CSPP1: variants seen among roughly 807,000 people sequenced by gnomAD.
CSPP1 encodes centrosome and spindle pole associated protein 1.
Under a neutral mutation model 164.4 loss-of-function variants are expected in CSPP1, and 126 were observed. That is an observed-to-expected ratio of 0.77 (90% CI 0.66 to 0.89). CSPP1 has a LOEUF of 0.89. CSPP1 is among the 40% of genes least tolerant of loss of function. The probability of loss-of-function intolerance (pLI) is 0.00; values close to 1 mark genes in which losing one functional copy is unlikely to be tolerated. For missense variants in CSPP1, 1,395 were observed against 1,449.8 expected, an observed-to-expected ratio of 0.96 and a Z score of 0.61; for synonymous variants, 472 against 476.7, an observed-to-expected ratio of 0.99 and a Z score of 0.13.
chr8:67,184,874 C>T (rs1306961882), intron 28 of CSPP1, among the ~76,000 whole-genome samples: 6 of 143,070 alleles, frequency 4.2e-5, no homozygotes, highest in Admixed American at 1.5e-4. Flanking sequence ...CCGAGGAGGG[C>T]GGATCACAAG....
chr8:67,077,398 C>T (rs764357390), intron 3 of CSPP1, among the ~76,000 whole-genome samples: 3 of 152,046 alleles, frequency 2.0e-5, no homozygotes, highest in East Asian at 1.9e-4. Context: ...TGCAGTGGCA[C>T]GATCTCGGCT....
intron 24 of CSPP1, among the ~76,000 whole-genome samples, chr8:67,172,154 ATTTTTTT>A (rs540548645): frequency 3.4e-4 from 43 of 124,876 alleles, no homozygotes; most frequent in African/African-American, 7.1e-4. Context: ...TGGCCTCATA[ATTTTTTT>A]TTTTTTTTTT....
At chr8:67,184,176 G>C (rs1420136741) in intron 28 of CSPP1, among the ~76,000 whole-genome samples, 1 of 152,088 alleles carries the variant, frequency 6.6e-6, no homozygotes, top group Admixed American at 6.5e-5. Flanking sequence ...TTTTTAAGGT[G>C]CTTAAATTTA....
Position 67,179,785 on chromosome 8 carries a change from G to T in CSPP1, c.3157-78G>T, listed in dbSNP as rs565107875. The T allele has an allele frequency of 4.7e-5, 44 of 927,006 alleles. No homozygotes were observed. In the African/African-American group the frequency reaches 6.9e-4, roughly 14 times the overall value. 57.4% of individuals were successfully genotyped at this position (927,006 alleles called of 1,614,324 possible). A position where few individuals can be genotyped will look rare whatever the true frequency, so the allele number is the denominator to read the frequency against. On this transcript the variant is annotated intron_variant, in intron 27 of 30. Transcript: ENST00000678616. ...TTTAGGGAGAACAGTGTGGAAACTT[G>T]TGCCTCTTCTTAGTATAAATTTGTT...
chr8:67,074,295 A>T lies in CSPP1; in HGVS notation c.43A>T (p.Arg15Ter), dbSNP rs755119129. ...LDEFIEEQKARLAEDKAELES... is the reference protein window; with the variant it reads ...LDEFIEEQKA ...TGAATTTATTGAAGAGCAAAAAGCC[A>T]GATTGGCCGAAGACAAAGCAGAGTT... The change falls in exon 2 of 31, where the codon AGA becomes TGA. Residue 15 changes from arginine to a stop codon, truncating the protein, a stop_gained. Transcript: ENST00000678616. LOFTEE classifies it high-confidence loss of function. 1.2e-5 allele frequency: 19 copies of T among 1,611,706 alleles called. No individual in the cohort carries two copies. The East Asian group carries it at 4.2e-4, about 36-fold the overall frequency.
chr8:67,127,513 G>C (rs1028504205), intron 15 of CSPP1, among the ~76,000 whole-genome samples: 5 of 152,100 alleles, frequency 3.3e-5, no homozygotes, highest in African/African-American at 1.2e-4. Context: ...ATAGTCCCCA[G>C]CTCCAAATAC....
In CSPP1 at chr8:67,086,090, T is replaced by A; in HGVS notation, c.283T>A (p.Tyr95Asn). ...ATTAAAAGAAGAATTGCGGCAAGAT[T>A]ACAGACGTTATCTTACTCAGGTAAT... is the stretch of plus-strand genomic sequence containing the variant. ...HKLKEELRQDYRRYLTQKNFL... is the reference protein window; with the variant it reads ...HKLKEELRQDNRRYLTQKNFL... The change falls in exon 4 of 31, where the codon TAC becomes AAC. Residue 95 changes from tyrosine (Y) to asparagine (N), a missense_variant. Transcript: ENST00000678616. 1 of 1,425,986 alleles carries A rather than the reference T, an allele frequency of 7.0e-7. No homozygotes were observed. Among genetic ancestry groups the A allele is most frequent in the Non-Finnish European group, 9.9e-7 (1 of 1,008,508 alleles). 88.3% of individuals were successfully genotyped at this position (1,425,986 alleles called of 1,614,324 possible).
intron 28 of CSPP1, among the ~76,000 whole-genome samples, chr8:67,187,527 T>A (rs1835007306): frequency 6.6e-6 from 1 of 151,530 alleles, no homozygotes; most frequent in South Asian, 2.1e-4. Context: ...ACAAAAAAAA[T>A]ATTTTAAATT....
intron 24 of CSPP1, among the ~76,000 whole-genome samples, chr8:67,168,504 T>G (rs1364085689): frequency 6.6e-6 from 1 of 152,210 alleles, no homozygotes; most frequent in Non-Finnish European, 1.5e-5. Flanking sequence ...GAGAATCTAG[T>G]GAAGAATAAA....
At chr8:67,066,690 A>G (rs535041140) in intron 1 of CSPP1, among the ~76,000 whole-genome samples, 47 of 152,140 alleles carry the variant, frequency 3.1e-4, no homozygotes, top group Non-Finnish European at 5.3e-4. Flanking sequence ...AGCAGGGGGC[A>G]TTATCTTGTC....
chr8:67,074,245 T>A lies in CSPP1; in HGVS notation c.-8T>A, dbSNP rs773774399. 1.3e-6 allele frequency: 2 copies of A among 1,597,848 alleles called. No homozygotes were observed. Among genetic ancestry groups the A allele is most frequent in the Non-Finnish European group, 1.7e-6 (2 of 1,170,122 alleles). On this transcript the variant is annotated splice_region_variant and 5_prime_UTR_variant, in exon 2 of 31. Coordinates refer to ENST00000678616, the MANE Select transcript of CSPP1 (RefSeq NM_001382391.1). ...CTCACTGAAATTTTTTTTTAAAGAATCTGCAAAATGGCTGATAATTTGGAT... is the reference window on the plus strand; with the variant it reads ...CTCACTGAAATTTTTTTTTAAAGAAACTGCAAAATGGCTGATAATTTGGAT...
chr8:67,150,326 G>A (rs940747929), intron 18 of CSPP1, among the ~76,000 whole-genome samples: 6 of 152,024 alleles, frequency 3.9e-5, no homozygotes, highest in African/African-American at 1.4e-4. Context: ...AAATTGTACA[G>A]GGAAATTCAT....
rs1250529363 is a variant in CSPP1 at position 67,158,589 on chromosome 8, A to T, written c.2384A>T (p.Glu795Val). 5 of 1,588,740 alleles carry T rather than the reference A, an allele frequency of 3.1e-6. No homozygotes were observed. The highest frequency in any genetic ancestry group is 4.3e-6 in the Non-Finnish European group (5 of 1,168,114). The change falls in exon 20 of 31, where the codon GAG becomes GTG. Residue 795 changes from glutamate to valine, a missense_variant. Coordinates refer to ENST00000678616, the MANE Select transcript of CSPP1 (RefSeq NM_001382391.1). Reference protein sequence around the residue: ...EEEQEKKREKEEEQRLKNEEH... With the variant: ...EEEQEKKREKVEEQRLKNEEH... ...GAACAGGAAAAGAAAAGAGAGAAAGAGGAGGAGGTACATCTTTTTTCCCTA... is the reference window on the plus strand; with the variant it reads ...GAACAGGAAAAGAAAAGAGAGAAAGTGGAGGAGGTACATCTTTTTTCCCTA...
At chr8:67,194,570 C>G (rs1255838283) in intron 30 of CSPP1, among the ~76,000 whole-genome samples, 1 of 151,844 alleles carries the variant, frequency 6.6e-6, no homozygotes, top group Non-Finnish European at 1.5e-5. Flanking sequence ...TTTTAAGAAT[C>G]TTTTTCAGAA....
intron 26 of CSPP1, among the ~76,000 whole-genome samples, chr8:67,177,400 G>A (rs1459277093): frequency 1.3e-5 from 2 of 152,136 alleles, no homozygotes; most frequent in South Asian, 2.1e-4. Flanking sequence ...GATGGTGAAG[G>A]ATCCTGCATT....
intron 16 of CSPP1, among the ~76,000 whole-genome samples, 164 bp downstream of exon 16, chr8:67,132,244 T>C (rs909483903): frequency 5.3e-5 from 8 of 152,082 alleles, no homozygotes; most frequent in African/African-American, 1.9e-4. Context: ...AAGCATAAGA[T>C]AGGGAAAATA....
At chr8:67,103,281 G>GT (rs1417689037) in intron 8 of CSPP1, 146 bp downstream of exon 8, 2 of 574,964 alleles carry the variant, frequency 3.5e-6, no homozygotes, top group Non-Finnish European at 6.1e-6. Flanking sequence ...GAAAAGAAAG[G>GT]TGGGGAGGTA....
At chr8:67,122,260 C>T (rs1310203883) in intron 15 of CSPP1, among the ~76,000 whole-genome samples, 1 of 151,108 alleles carries the variant, frequency 6.6e-6, no homozygotes, top group Non-Finnish European at 1.5e-5. Flanking sequence ...TAAATTTCCT[C>T]CCTTCTGCTT....
Position 67,195,584 on chromosome 8 carries a change from A to C in CSPP1, c.3672A>C (p.Ala1224=), listed in dbSNP as rs1040715506. 1.2e-6 allele frequency: 2 copies of C among 1,613,998 alleles called. No individual in the cohort carries two copies. Among genetic ancestry groups the C allele is most frequent in the Admixed American group, 3.3e-5 (2 of 60,014 alleles). The stretch of plus-strand genomic sequence containing the variant: ...TCACTTGGCAGGGCCTGTCGACTGC[A>C]CATGGTTAAAATAAACCTGTACTGG... ...GTFTWQGLST[A]HG Residue 1224 remains alanine, a synonymous_variant, in exon 31 of 31, where the codon GCA becomes GCC. Transcript: ENST00000678616.
Sources: gnomAD v4.1 joint callset for allele counts (sites outside exome capture counted in the v4.1 genomes callset) on GRCh38, gnomAD v4.1.1 for gene constraint, MANE v1.5 for transcripts, NCBI Gene and HGNC (gene_info 2026-07-23, HGNC 2026-07-21) for gene names.